The following USH2A variants were observed in gnomAD, a reference collection of about 807,000 sequenced individuals.
USH2A encodes the protein usherin.
A neutral mutation model predicts 538.9 loss-of-function variants in USH2A; 443 were observed. The observed-to-expected ratio is 0.82, with a 90% CI of 0.76 to 0.89. The LOEUF (loss-of-function observed/expected upper bound fraction) is 0.89, where lower values mean the gene tolerates loss of function less well. Among genes scored for constraint, USH2A ranks in the 40% least tolerant of loss-of-function variants. USH2A has a pLI of 0.00. For synonymous variants in USH2A, 2,413 were observed against 2,273.5 expected (o/e 1.06, Z -1.75); for missense variants, 6,633 against 6,324.8 (o/e 1.05, Z -1.65).
At chr1:215,926,825 C>T (rs1254989333) in intron 38 of USH2A, among the ~76,000 whole-genome samples, 1 of 151,946 alleles carries the variant, frequency 6.6e-6, no homozygotes, top group Non-Finnish European at 1.5e-5. Flanking sequence ...TCAGGCTGGT[C>T]TCGAACTCCC....
At position 216,161,530 on chromosome 1, in the gene USH2A, T is replaced by G. The variant is rs77313642; in HGVS notation, c.4627+13722A>C. On this transcript the variant is annotated intron_variant, in intron 21 of 71. Coordinates refer to ENST00000307340, the MANE Select transcript of USH2A (RefSeq NM_206933.4). ...GATGTCATACATTTTTTCTTACATG[T>G]TATCAACTTCAAAGTATGATTTTTA... is the stretch of plus-strand genomic sequence containing the variant. 3.0e-3 allele frequency among the ~76,000 whole-genome samples: 456 copies of G among 152,240 alleles called. 1 individual carries two copies. Among genetic ancestry groups the G allele is most frequent in the African/African-American group, 0.011 (439 of 41,582 alleles).
At chr1:215,732,579 T>C (rs1325389403) in intron 60 of USH2A, among the ~76,000 whole-genome samples, 1 of 111,926 alleles carries the variant, frequency 8.9e-6, no homozygotes, top group Non-Finnish European at 1.8e-5. Flanking sequence ...TTTTGCTCTG[T>C]TGCCCAGGCT....
intron 21 of USH2A, among the ~76,000 whole-genome samples, chr1:216,131,156 G>A (rs528702465): frequency 7.0e-4 from 106 of 151,764 alleles, no homozygotes; most frequent in African/African-American, 2.5e-3. Context: ...TGATGGGATT[G>A]TTCATTTTTT....
chr1:216,213,327 T>G (rs561030123), intron 15 of USH2A, among the ~76,000 whole-genome samples: 1 of 152,204 alleles, frequency 6.6e-6, no homozygotes, highest in African/African-American at 2.4e-5. Flanking sequence ...AGACTTTTAC[T>G]TACTTTTTCT....
intron 32 of USH2A, among the ~76,000 whole-genome samples, chr1:216,030,112 A>G (rs1558220532): frequency 6.9e-6 from 1 of 145,652 alleles, no homozygotes; most frequent in African/African-American, 2.5e-5. Flanking sequence ...TATATAATAT[A>G]TGGTATATAT....
chr1:215,736,518 C>T (rs2102721247), intron 60 of USH2A, among the ~76,000 whole-genome samples: 1 of 152,044 alleles, frequency 6.6e-6, no homozygotes, highest in Admixed American at 6.5e-5. Flanking sequence ...TATCTAATTT[C>T]CAATAACAAT....
At chr1:216,399,457 C>T (rs964518373) in intron 3 of USH2A, among the ~76,000 whole-genome samples, 2 of 152,166 alleles carry the variant, frequency 1.3e-5, no homozygotes, top group African/African-American at 2.4e-5. Context: ...CAATACTCTA[C>T]ATCCTTTTTC....
At chr1:216,037,835 C>T (rs1052789133) in intron 32 of USH2A, among the ~76,000 whole-genome samples, 4 of 151,214 alleles carry the variant, frequency 2.6e-5, no homozygotes, top group African/African-American at 7.3e-5. Context: ...TCCTCTCCCT[C>T]CTGCTACCCT....
chr1:216,065,341 A>AT (rs1215187157), intron 30 of USH2A, among the ~76,000 whole-genome samples: 1 of 152,228 alleles, frequency 6.6e-6, no homozygotes, highest in Admixed American at 6.5e-5. Context: ...TGTTATCAAT[A>AT]TGGTATATCT....
intron 43 of USH2A, among the ~76,000 whole-genome samples, chr1:215,877,517 A>C (rs954398686): frequency 5.9e-5 from 9 of 152,222 alleles, no homozygotes; most frequent in African/African-American, 1.9e-4. Flanking sequence ...CAATAGGTTA[A>C]GGCTTGAACA....
chr1:215,631,963 A>G (rs1656297079), intron 70 of USH2A, among the ~76,000 whole-genome samples: 2 of 152,256 alleles, frequency 1.3e-5, no homozygotes, highest in African/African-American at 4.8e-5. Context: ...TCTACTGGTT[A>G]TCAAACAGTA....
At chr1:216,094,990 G>A (rs1461481969) in intron 22 of USH2A, among the ~76,000 whole-genome samples, 1 of 151,920 alleles carries the variant, frequency 6.6e-6, no homozygotes, top group African/African-American at 2.4e-5. Context: ...ATAGGCATAT[G>A]TGTGTATGTA....
At chr1:216,406,273 T>C in intron 3 of USH2A, among the ~76,000 whole-genome samples, 1 of 152,224 alleles carries the variant, frequency 6.6e-6, no homozygotes, top group East Asian at 1.9e-4. Flanking sequence ...ATGTTACTGA[T>C]GAGAACAAAT....
At chr1:216,092,230 T>G (rs12084498) in intron 22 of USH2A, among the ~76,000 whole-genome samples, 2,287 of 152,280 alleles carry the variant, frequency 0.015, 61 homozygotes, top group African/African-American at 0.052. Flanking sequence ...TTCCAAAGAC[T>G]GTTCTAAGTC....
chr1:216,393,514 G>C (rs1195423239), intron 3 of USH2A, among the ~76,000 whole-genome samples: 2 of 151,708 alleles, frequency 1.3e-5, no homozygotes, highest in African/African-American at 4.8e-5. Flanking sequence ...TTTCCATGTG[G>C]CTTTTTATTA....
rs1427125141 is a variant in USH2A, at chr1:216,199,767, G to C, written c.3671C>G (p.Thr1224Ser). Reference sequence around the variant, plus strand: ...CAAGCTGTGTAAACAGCCCCCGCTAGTACACGCCTGTACAGAAAAATCGTA... The same window carrying C: ...CAAGCTGTGTAAACAGCCCCCGCTACTACACGCCTGTACAGAAAAATCGTA... ...AKYDFSVQAC[T>S]SGGCLHSLPI... Residue 1224 changes from threonine (T) to serine (S), a missense_variant, in exon 17 of 72, where the codon ACT becomes AGT. Physicochemically the swap from Thr to Ser is moderately conservative, Grantham distance 58. Transcript: ENST00000307340. 6.2e-7 allele frequency: 1 copy of C among 1,613,988 alleles called. No individual in the cohort carries two copies. Among genetic ancestry groups the C allele is most frequent in the Non-Finnish European group, 8.5e-7 (1 of 1,180,010 alleles).
intron 41 of USH2A, among the ~76,000 whole-genome samples, chr1:215,883,038 T>C (rs1664956798): frequency 6.6e-6 from 1 of 152,180 alleles, no homozygotes; most frequent in African/African-American, 2.4e-5. Flanking sequence ...AAATTATCCG[T>C]GATCTGTGCC....
intron 49 of USH2A, among the ~76,000 whole-genome samples, chr1:215,802,702 T>C (rs1662373450): frequency 6.6e-6 from 1 of 152,126 alleles, no homozygotes; most frequent in Admixed American, 6.6e-5. Flanking sequence ...TGGCAGTTCT[T>C]AACATGAAAA....
chr1:215,888,575 G>C lies in USH2A; in HGVS notation c.8074C>G (p.Pro2692Ala). 6.2e-7 allele frequency: 1 copy of C among 1,614,164 alleles called. No individual in the cohort carries two copies. Among genetic ancestry groups the C allele is most frequent in the African/African-American group, 1.3e-5 (1 of 75,066 alleles). The change falls in exon 41 of 72, where the codon CCA becomes GCA. Residue 2692 changes from proline (P) to alanine (A), a missense_variant. Physicochemically the swap from Pro to Ala is conservative, Grantham distance 27. Coordinates refer to ENST00000307340, the MANE Select transcript of USH2A (RefSeq NM_206933.4). ...RFIDKTSALS[P>A]WTKYEYRVLM... ...ACCCGATATTCATATTTTGTCCATG[G>C]GCTAAGAGCAGAAGTCTTGTCAATA...
Sources: gnomAD v4.1 joint callset for allele counts (sites outside exome capture counted in the v4.1 genomes callset) on GRCh38, gnomAD v4.1.1 for gene constraint, MANE v1.5 for transcripts, NCBI Gene and HGNC (gene_info 2026-07-23, HGNC 2026-07-21) for gene names.